Variants in RELN observed in about 807,000 individuals in gnomAD.
The protein encoded by RELN is reelin.
RELN carries 108 observed loss-of-function variants against 427.6 expected under a neutral mutation model. That is an observed-to-expected ratio of 0.25 (90% CI 0.22 to 0.30). The LOEUF (loss-of-function observed/expected upper bound fraction) is 0.30. Among genes scored for constraint, RELN ranks in the 10% least tolerant of loss-of-function variants. RELN has a pLI of 1.00. For synonymous variants in RELN, 1,524 were observed against 1,513.4 expected, an observed-to-expected ratio of 1.01 and a Z score of -0.16; for missense variants, 3,715 against 4,302.8, an observed-to-expected ratio of 0.86 and a Z score of 3.82.
chr7:103,755,513 C>T (rs1420838363), intron 4 of RELN, among the ~76,000 whole-genome samples: 1 of 151,474 alleles, frequency 6.6e-6, no homozygotes, highest in Non-Finnish European at 1.5e-5. Flanking sequence ...GAGGCTGAGG[C>T]AGGAGAATGG....
chr7:103,951,533 C>A lies in RELN; in HGVS notation c.227-34348G>T, dbSNP rs1427507331. ...CTACAGAATCCTGCTTTAAGAAGACCTTCCTTTCACCCTAGTTTGCCACCC... is the reference window on the plus strand; with the variant it reads ...CTACAGAATCCTGCTTTAAGAAGACATTCCTTTCACCCTAGTTTGCCACCC... On this transcript the variant is annotated intron_variant, in intron 1 of 64. Coordinates refer to ENST00000428762, the MANE Select transcript of RELN (RefSeq NM_005045.4). 2.6e-5 allele frequency among the ~76,000 whole-genome samples: 4 copies of A among 152,150 alleles called. No individual in the cohort carries two copies. In the South Asian group the frequency reaches 6.2e-4, roughly 24 times the overall value.
Position 103,515,233 on chromosome 7 carries a change from G to A in RELN, c.8071C>T (p.Pro2691Ser), listed in dbSNP as rs1391738076. The A allele has an allele frequency of 6.2e-7, 1 of 1,614,142 alleles. No individual in the cohort carries two copies. The highest frequency in any genetic ancestry group is 8.5e-7 in the Non-Finnish European group (1 of 1,180,028). Reference protein sequence around the residue: ...QHERSPADAGPVGRIAFDMFM... With the variant: ...QHERSPADAGSVGRIAFDMFM... ...ATGTCAAAGGCGATCCTCCCGACAG[G>A]GCCGGCATCTGCAGGGGAGCGCTCA... Residue 2691 changes from proline to serine, a missense_variant, in exon 50 of 65, where the codon CCT becomes TCT. Coordinates refer to ENST00000428762, the MANE Select transcript of RELN (RefSeq NM_005045.4).
chr7:103,973,631 A>T (rs1028582394), intron 1 of RELN, among the ~76,000 whole-genome samples: 10 of 152,114 alleles, frequency 6.6e-5, no homozygotes, highest in Non-Finnish European at 1.3e-4. Context: ...ACAAAAGAAA[A>T]ACACCTGAAA....
rs1484944135 is a variant in RELN, at chr7:103,519,500, A to G, written c.7685T>C (p.Leu2562Ser). The change falls in exon 49 of 65, where the codon TTA becomes TCA. Residue 2562 changes from leucine (L) to serine (S), a missense_variant. By Grantham distance (145) the Leu-to-Ser change is moderately radical. Coordinates refer to ENST00000428762, the MANE Select transcript of RELN (RefSeq NM_005045.4). ...AGTGAGGTTTAGATCCACAGTGACT[A>G]ATAATCGACTACAACCCTAAGAAAA... ...LHFSGGCSRL[L>S]VTVDLNLTNA... is the part of the protein sequence containing the mutation. The G allele has an allele frequency of 6.2e-7, 1 of 1,611,150 alleles. No homozygotes were observed. Among genetic ancestry groups the G allele is most frequent in the Non-Finnish European group, 8.5e-7 (1 of 1,177,296 alleles).
intron 42 of RELN, among the ~76,000 whole-genome samples, chr7:103,543,657 TAAAATAAAATAA>T (rs1362959997): frequency 1.3e-5 from 2 of 151,908 alleles, no homozygotes; most frequent in African/African-American, 2.4e-5. Context: ...AAAAAATAAA[TAAAATAAAATAA>T]AATATAAAAT....
chr7:103,493,810 T>A (rs969100604), intron 57 of RELN, among the ~76,000 whole-genome samples: 6 of 151,784 alleles, frequency 4.0e-5, no homozygotes, highest in Non-Finnish European at 8.8e-5. Flanking sequence ...AAAGAGAAGG[T>A]GGGGAATGTG....
At chr7:103,726,313 C>T (rs1239263467) in intron 7 of RELN, among the ~76,000 whole-genome samples, 4 of 152,106 alleles carry the variant, frequency 2.6e-5, no homozygotes, top group Non-Finnish European at 5.9e-5. Context: ...CGCCATCATT[C>T]TCAATCTGTT....
intron 2 of RELN, among the ~76,000 whole-genome samples, chr7:103,838,208 C>CAAGAAAAAAAAAAAAAAAAAA: frequency 1.2e-5 from 1 of 81,082 alleles, no homozygotes; most frequent in African/African-American, 5.1e-5. Context: ...GACTTCGTCT[C>CAAGAAAAAAAAAAAAAAAAAA]AAAAAAAAAA....
At chr7:103,593,645 C>G (rs1399379954) in intron 27 of RELN, 37 bp downstream of exon 27, 1 of 1,560,362 alleles carries the variant, frequency 6.4e-7, no homozygotes, top group Non-Finnish European at 8.8e-7. Flanking sequence ...TATTTTACTC[C>G]TTAACTTGCT....
intron 3 of RELN, among the ~76,000 whole-genome samples, chr7:103,820,072 G>A (rs1297545066): frequency 2.0e-5 from 3 of 151,816 alleles, no homozygotes; most frequent in Admixed American, 6.6e-5. Flanking sequence ...CCATTTCAAT[G>A]TATCTTTAAA....
rs531144165 is a variant in RELN, at chr7:103,762,068, C to A, written c.545-8854G>T. Among the ~76,000 whole-genome samples the A allele has an allele frequency of 4.1e-4, 63 of 152,268 alleles. No individual in the cohort carries two copies. The Middle Eastern group carries it at 0.014, about 33-fold the overall frequency. On this transcript the variant is annotated intron_variant, in intron 4 of 64. Coordinates refer to ENST00000428762, the MANE Select transcript of RELN (RefSeq NM_005045.4). ...TTTTCTTTATTTCTTTATTTCTCAG[C>A]GCCCCCCTATAGCTTCCTGTGACAA...
At chr7:103,530,698 T>C (rs1247908859) in intron 46 of RELN, among the ~76,000 whole-genome samples, 1 of 152,172 alleles carries the variant, frequency 6.6e-6, no homozygotes, top group Non-Finnish European at 1.5e-5. Flanking sequence ...GTCCTTGCAC[T>C]GTCCACATTG....
intron 1 of RELN, among the ~76,000 whole-genome samples, chr7:103,931,690 C>T (rs1436723525): frequency 6.6e-6 from 1 of 152,180 alleles, no homozygotes; most frequent in African/African-American, 2.4e-5. Flanking sequence ...AGAAAATCAC[C>T]ATCCACATCT....
intron 3 of RELN, among the ~76,000 whole-genome samples, chr7:103,795,537 T>A (rs1792278929): frequency 6.6e-6 from 1 of 152,172 alleles, no homozygotes; most frequent in Admixed American, 6.5e-5. Context: ...AATCAACTCA[T>A]CAAAAAATTA....
At chr7:103,687,646 G>A (rs1011661408) in intron 10 of RELN, among the ~76,000 whole-genome samples, 10 of 151,984 alleles carry the variant, frequency 6.6e-5, no homozygotes, top group Non-Finnish European at 1.5e-4. Context: ...TGCCATGCTA[G>A]GTACAAAGAT....
At chr7:103,852,179 A>G (rs150987808) in intron 2 of RELN, among the ~76,000 whole-genome samples, 5 of 152,314 alleles carry the variant, frequency 3.3e-5, no homozygotes, top group African/African-American at 1.2e-4. Flanking sequence ...TTTTGGTCCT[A>G]GTGATTTTGA....
chr7:103,540,287 T>C lies in RELN; in HGVS notation c.6840A>G (p.Ile2280Met). The C allele has an allele frequency of 6.2e-7, 1 of 1,614,106 alleles. No homozygotes were observed. The highest frequency in any genetic ancestry group is 8.5e-7 in the Non-Finnish European group (1 of 1,180,028). ...TAGAACCAGAACGGGCTTTCAAGGG[T>C]ATCTCCAGGGCAATGTACCTGCCCA... ...SNVGRYIALE[I>M]PLKARSGSTR... The change falls in exon 44 of 65, where the codon ATA becomes ATG. Residue 2280 changes from isoleucine to methionine, a missense_variant. Ile to Met is a conservative substitution (Grantham distance 10, BLOSUM62 1). This residue lies in a region of RELN where 1,310 missense variants were observed against 1,643.0 expected (regional missense o/e 0.80). Transcript: ENST00000428762.
At chr7:103,937,120 T>C (rs1796005257) in intron 1 of RELN, among the ~76,000 whole-genome samples, 1 of 152,194 alleles carries the variant, frequency 6.6e-6, no homozygotes, top group African/African-American at 2.4e-5. Flanking sequence ...CTTTTGTAAG[T>C]GATGGCATGT....
At chr7:103,507,578 C>G (rs1734524358) in intron 51 of RELN, among the ~76,000 whole-genome samples, 1 of 151,952 alleles carries the variant, frequency 6.6e-6, no homozygotes, top group African/African-American at 2.4e-5. Flanking sequence ...CAAGAGAAAG[C>G]AGGAAAGATC....
Sources: gnomAD v4.1 joint callset for allele counts (sites outside exome capture counted in the v4.1 genomes callset) on GRCh38, gnomAD v4.1.1 for gene constraint, gnomAD v4.1.1 regional missense constraint, MANE v1.5 for transcripts, NCBI Gene and HGNC (gene_info 2026-07-23, HGNC 2026-07-21) for gene names.